CEP15: variants seen among roughly 807,000 people sequenced by gnomAD.
CEP15 encodes centrosomal protein 15 kDa.
the CEP15 span, among the ~76,000 whole-genome samples, chr3:62,331,165 G>A: frequency 3.3e-5 from 5 of 151,724 alleles, no homozygotes; most frequent in Non-Finnish European, 7.4e-5. Context: ...TGGATTAATT[G>A]AACAATGATC....
At chr3:62,326,171 A>C in the CEP15 span, among the ~76,000 whole-genome samples, 1 of 152,162 alleles carries the variant, frequency 6.6e-6, no homozygotes, top group Non-Finnish European at 1.5e-5. Context: ...ATGCCCTGGA[A>C]GCCTTTATGG....
the CEP15 span, chr3:62,333,302 G>T: frequency 6.2e-7 from 1 of 1,611,518 alleles, no homozygotes; most frequent in Non-Finnish European, 8.5e-7. The surrounding 1 kb of genome is among the most constrained non-coding windows in gnomAD (Gnocchi z 4.0). Flanking sequence ...AATGGGAACA[G>T]TTTCTTTTAG....
At chr3:62,333,404 A>G in the CEP15 span, 1 of 1,605,372 alleles carries the variant, frequency 6.2e-7, no homozygotes, top group Non-Finnish European at 8.5e-7. This position sits in a 1 kb window ranked among gnomAD's most constrained non-coding sequence, Gnocchi z 4.0. Context: ...TTCACATGCT[A>G]TTTCAAAAAG....
chr3:62,320,814 C>G, the CEP15 span, among the ~76,000 whole-genome samples: 1 of 152,184 alleles, frequency 6.6e-6, no homozygotes, highest in Non-Finnish European at 1.5e-5. Flanking sequence ...AAACCTCTTA[C>G]ACAGGGCTGG....
the CEP15 span, among the ~76,000 whole-genome samples, chr3:62,323,534 A>G: frequency 6.6e-5 from 10 of 152,208 alleles, no homozygotes; most frequent in Admixed American, 5.9e-4. Context: ...ATATATAGAC[A>G]TAATTCAGTA....
chr3:62,328,809 C>G, the CEP15 span, among the ~76,000 whole-genome samples: 1 of 151,988 alleles, frequency 6.6e-6, no homozygotes, highest in Non-Finnish European at 1.5e-5. Context: ...GCAGTCCTTA[C>G]CTTCTGGTAG....
chr3:62,324,770 A>G, the CEP15 span, among the ~76,000 whole-genome samples: 1 of 152,206 alleles, frequency 6.6e-6, no homozygotes, highest in Admixed American at 6.5e-5. Flanking sequence ...GGTTCCAATA[A>G]AACTTGAAAG....
At chr3:62,323,869 T>C in the CEP15 span, 1 of 152,226 alleles carries the variant, frequency 6.6e-6, no homozygotes, top group African/African-American at 2.4e-5. Flanking sequence ...CTAAAATTAA[T>C]ACATTTTTGT....
the CEP15 span, chr3:62,319,662 A>C: frequency 9.9e-5 from 15 of 152,210 alleles, no homozygotes; most frequent in Non-Finnish European, 1.8e-4. Context: ...GTTTAATTTC[A>C]TAAAATTTAG....
chr3:62,328,294 T>C, the CEP15 span, among the ~76,000 whole-genome samples: 1 of 152,236 alleles, frequency 6.6e-6, no homozygotes, highest in Non-Finnish European at 1.5e-5. Flanking sequence ...TTCCAAAGAA[T>C]TATTCTATGA....
chr3:62,325,330 C>T, the CEP15 span, among the ~76,000 whole-genome samples: 1 of 152,000 alleles, frequency 6.6e-6, no homozygotes, highest in Non-Finnish European at 1.5e-5. Context: ...AAATAAGTTC[C>T]AACAGAATTT....
At chr3:62,323,733 TA>T in the CEP15 span, among the ~76,000 whole-genome samples, 5 of 152,222 alleles carry the variant, frequency 3.3e-5, no homozygotes, top group African/African-American at 1.2e-4. Flanking sequence ...GTTTCATAGT[TA>T]TGAGAAACTT....
the CEP15 span, among the ~76,000 whole-genome samples, chr3:62,327,420 T>C: frequency 6.6e-6 from 1 of 152,196 alleles, no homozygotes; most frequent in Non-Finnish European, 1.5e-5. Flanking sequence ...CTGAATTCAG[T>C]GTATGTTTTG....
chr3:62,323,922 A>T, the CEP15 span: 1 of 152,204 alleles, frequency 6.6e-6, no homozygotes, highest in Non-Finnish European at 1.5e-5. Flanking sequence ...TTGAGCATCT[A>T]TTATATCACA....
the CEP15 span, among the ~76,000 whole-genome samples, chr3:62,320,138 T>C: frequency 1.3e-5 from 2 of 152,236 alleles, no homozygotes; most frequent in Admixed American, 6.5e-5. Context: ...GCAGATTTTT[T>C]TTCTGTTGAT....
chr3:62,334,082 G>A, the CEP15 span: 1 of 151,856 alleles, frequency 6.6e-6, no homozygotes, highest in African/African-American at 2.4e-5. The surrounding 1 kb of genome is among the most constrained non-coding windows in gnomAD (Gnocchi z 4.9). Context: ...CCTTGTGAAT[G>A]CAAATAACCC....
At chr3:62,328,923 G>T in the CEP15 span, among the ~76,000 whole-genome samples, 3 of 148,476 alleles carry the variant, frequency 2.0e-5, no homozygotes, top group East Asian at 5.9e-4. Context: ...TTTTCAGTCA[G>T]GCTAAGGAAT....
chr3:62,329,834 A>G, the CEP15 span, among the ~76,000 whole-genome samples: 1 of 152,338 alleles, frequency 6.6e-6, no homozygotes, highest in African/African-American at 2.4e-5. Context: ...AATAATGACC[A>G]TAATTGGACT....
At chr3:62,325,600 G>C in the CEP15 span, among the ~76,000 whole-genome samples, 1 of 152,158 alleles carries the variant, frequency 6.6e-6, no homozygotes, top group Non-Finnish European at 1.5e-5. Context: ...GAATTTATCT[G>C]CCTTTTAAGA....
Sources: allele counts gnomAD v4.1 joint callset (sites outside exome capture counted in the v4.1 genomes callset), GRCh38; gene constraint gnomAD v4.1.1; non-coding constraint Gnocchi (gnomAD v3.1); transcripts MANE v1.5; gene names NCBI Gene and HGNC (gene_info 2026-07-23, HGNC 2026-07-21).